FAM171A1: variants seen among roughly 807,000 people sequenced by gnomAD.
FAM171A1 encodes family with sequence similarity 171 member A1, also known as protein FAM171A1.
FAM171A1 carries 23 observed loss-of-function variants against 74.9 expected under a neutral mutation model. The ratio of observed to expected loss-of-function variants is 0.31; its 90% CI spans 0.22 to 0.44. FAM171A1 has a LOEUF of 0.44. Among genes scored for constraint, FAM171A1 ranks in the 20% least tolerant of loss-of-function variants. The pLI, the probability that FAM171A1 is intolerant of heterozygous loss-of-function variation, is 1.00. For synonymous variants in FAM171A1, 527 were observed against 505.7 expected (o/e 1.04, Z -0.57); for missense variants, 1,162 against 1,159.2 (o/e 1.00, Z -0.03).
intron 1 of FAM171A1, among the ~76,000 whole-genome samples, chr10:15,311,584 G>A (rs1015303813): frequency 6.6e-6 from 1 of 152,104 alleles, no homozygotes; most frequent in Non-Finnish European, 1.5e-5. Flanking sequence ...CCTTAAATAA[G>A]CTCTAAAGCA....
At chr10:15,279,995 G>A (rs1384038501) in intron 2 of FAM171A1, among the ~76,000 whole-genome samples, 2 of 152,172 alleles carry the variant, frequency 1.3e-5, no homozygotes, top group Non-Finnish European at 2.9e-5. Flanking sequence ...GCTGAGGCAG[G>A]AGAATTGCTT....
At chr10:15,357,909 C>T (rs987504624) in intron 1 of FAM171A1, among the ~76,000 whole-genome samples, 8 of 152,158 alleles carry the variant, frequency 5.3e-5, no homozygotes, top group African/African-American at 1.9e-4. Flanking sequence ...CTATTACGGT[C>T]CCATAATACC....
chr10:15,306,114 G>A (rs564580469), intron 1 of FAM171A1, among the ~76,000 whole-genome samples: 10 of 152,296 alleles, frequency 6.6e-5, no homozygotes, highest in Admixed American at 2.0e-4. Context: ...TGTGCAACTC[G>A]ACCGTATGTT....
At chr10:15,282,129 G>C (rs1834978040) in intron 2 of FAM171A1, among the ~76,000 whole-genome samples, 1 of 152,114 alleles carries the variant, frequency 6.6e-6, no homozygotes, top group Admixed American at 6.6e-5. Flanking sequence ...CATCCCGGCT[G>C]GAGTGCAGTG....
chr10:15,324,299 G>C (rs780906508), intron 1 of FAM171A1, among the ~76,000 whole-genome samples: 1 of 152,040 alleles, frequency 6.6e-6, no homozygotes, highest in Non-Finnish European at 1.5e-5. Flanking sequence ...AGAAGTCCAC[G>C]CTCAGCAGGG....
chr10:15,370,740 C>A (rs929344032), intron 1 of FAM171A1, among the ~76,000 whole-genome samples: 8 of 143,882 alleles, frequency 5.6e-5, no homozygotes, highest in African/African-American at 1.7e-4. Flanking sequence ...GATCCCCGGC[C>A]CCCGAAGCCT....
At chr10:15,314,870 G>T (rs923404731) in intron 1 of FAM171A1, among the ~76,000 whole-genome samples, 1 of 152,224 alleles carries the variant, frequency 6.6e-6, no homozygotes, top group Non-Finnish European at 1.5e-5. Context: ...ACCTCGGCCT[G>T]GCCTGCAGCC....
At chr10:15,241,352 G>A (rs1834362122) in intron 5 of FAM171A1, 1 of 152,152 alleles carries the variant, frequency 6.6e-6, no homozygotes, top group Non-Finnish European at 1.5e-5. Flanking sequence ...TTAGACCAGA[G>A]GTCACAATTT....
At chr10:15,335,517 T>C (rs1343925312) in intron 1 of FAM171A1, among the ~76,000 whole-genome samples, 2 of 152,172 alleles carry the variant, frequency 1.3e-5, no homozygotes, top group South Asian at 2.1e-4. Context: ...GATTTTCAAA[T>C]AGAAGAAAAA....
rs912680773 is a variant in FAM171A1, at chr10:15,248,929, G to A, written c.578-114C>T. On this transcript the variant is annotated intron_variant, in intron 4 of 7. Transcript: ENST00000378116. ...CATTACCTCCTATATGCCAGGGACT[G>A]CATGAAGCACTTTACATACATAATC... The A allele has an allele frequency of 7.9e-5, 75 of 943,704 alleles. 1 individual carries two copies. In the South Asian group the frequency reaches 1.2e-3, roughly 16 times the overall value. 58.5% of individuals were successfully genotyped at this position (943,704 alleles called of 1,614,324 possible).
chr10:15,213,083 C>A lies in FAM171A1; in HGVS notation c.2505G>T (p.Thr835=). 1 of 1,613,600 alleles carries A rather than the reference C, an allele frequency of 6.2e-7. No homozygotes were observed. Among genetic ancestry groups the A allele is most frequent in the Non-Finnish European group, 8.5e-7 (1 of 1,179,800 alleles). ...AGGGGGCATCCGCAGTCCGTCTGGT[C>A]GTCTCCTCCTGCAGGCTGGGCAGCT... ...GGQLPSLQEE[T]TRRTADAPSE... The change falls in exon 8 of 8, where the codon ACG becomes ACT. Residue 835 remains threonine, a synonymous_variant. Transcript: ENST00000378116. This position sits in a 1 kb window ranked among gnomAD's most constrained non-coding sequence, Gnocchi z 6.8.
chr10:15,335,487 A>G lies in FAM171A1; in HGVS notation c.97+35469T>C, dbSNP rs565942842. ...GGTTTTCTGGTATTAAATAACCACAATCCGAAACTGCCTTATCAGGATTTT... is the reference window on the plus strand; with the variant it reads ...GGTTTTCTGGTATTAAATAACCACAGTCCGAAACTGCCTTATCAGGATTTT... On this transcript the variant is annotated intron_variant, in intron 1 of 7. Transcript: ENST00000378116. 5.3e-5 allele frequency among the ~76,000 whole-genome samples: 8 copies of G among 152,356 alleles called. No individual in the cohort carries two copies. In the South Asian group the frequency reaches 1.7e-3, roughly 32 times the overall value.
At position 15,213,619 on chromosome 10, in the gene FAM171A1, TCCA is replaced by T; in HGVS notation, c.1966_1968del (p.Trp656del). The T allele has an allele frequency of 6.2e-7, 1 of 1,614,126 alleles. No individual in the cohort carries two copies. The highest frequency in any genetic ancestry group is 8.5e-7 in the Non-Finnish European group (1 of 1,180,024). On this transcript the variant is annotated inframe_deletion, in exon 8 of 8. Coordinates refer to ENST00000378116, the MANE Select transcript of FAM171A1 (RefSeq NM_001010924.2). The surrounding 1 kb of genome is among the most constrained non-coding windows in gnomAD (Gnocchi z 6.8). ...TCCGACATGGATGCGTTCTGAGGGCTCCACTCCCGGGTGCCCGCATCCTGCAGG... is the reference window on the plus strand; with the variant it reads ...TCCGACATGGATGCGTTCTGAGGGCTCTCCCGGGTGCCCGCATCCTGCAGG...
chr10:15,373,179 A>G (rs757374629), upstream of FAM171A1, among the ~76,000 whole-genome samples: 4 of 152,222 alleles, frequency 2.6e-5, no homozygotes, highest in Non-Finnish European at 5.9e-5. Context: ...CTTAGGACCA[A>G]TGCTGCAATT....
At chr10:15,345,387 G>T (rs943394105) in intron 1 of FAM171A1, among the ~76,000 whole-genome samples, 4 of 152,178 alleles carry the variant, frequency 2.6e-5, no homozygotes, top group African/African-American at 9.7e-5. Flanking sequence ...AAATAGCAAA[G>T]CTAAGCACAC....
chr10:15,294,344 G>A (rs1224005709), intron 1 of FAM171A1, among the ~76,000 whole-genome samples: 1 of 152,130 alleles, frequency 6.6e-6, no homozygotes, highest in East Asian at 1.9e-4. Context: ...TACCCACCAT[G>A]GGCTCCAGTT....
intron 3 of FAM171A1, among the ~76,000 whole-genome samples, chr10:15,266,939 C>T (rs1002105852): frequency 6.6e-6 from 1 of 151,174 alleles, no homozygotes; most frequent in Admixed American, 6.6e-5. Flanking sequence ...TGTGAGTTGG[C>T]AGAATGGATT....
intron 1 of FAM171A1, among the ~76,000 whole-genome samples, chr10:15,352,933 G>A (rs749166690): frequency 2.6e-5 from 4 of 152,172 alleles, no homozygotes; most frequent in Non-Finnish European, 4.4e-5. Context: ...GTCACTGAGG[G>A]AGGAGACACT....
chr10:15,270,325 G>T (rs1020047050), intron 3 of FAM171A1, among the ~76,000 whole-genome samples: 1 of 152,202 alleles, frequency 6.6e-6, no homozygotes, highest in African/African-American at 2.4e-5. Context: ...TAGCAAGGCT[G>T]GGGGAGGAGC....
Sources: gnomAD v4.1 joint callset for allele counts (sites outside exome capture counted in the v4.1 genomes callset) on GRCh38, gnomAD v4.1.1 for gene constraint, Gnocchi (gnomAD v3.1) non-coding constraint, MANE v1.5 for transcripts, NCBI Gene and HGNC (gene_info 2026-07-23, HGNC 2026-07-21) for gene names.